CACNA1E: variants seen among roughly 807,000 people sequenced by gnomAD.
CACNA1E encodes the protein calcium voltage-gated channel subunit alpha1 E.
Under a neutral mutation model 259.2 loss-of-function variants are expected in CACNA1E, and 40 were observed. That is an observed-to-expected ratio of 0.15 (90% confidence interval 0.12 to 0.20). CACNA1E has a LOEUF of 0.20. Among genes scored for constraint, CACNA1E ranks in the 10% least tolerant of loss-of-function variants. The pLI is 1.00. For missense variants in CACNA1E, 1,874 were observed against 3,040.1 expected, an observed-to-expected ratio of 0.62 and a Z score of 9.02; for synonymous variants, 1,104 against 1,138.5, an observed-to-expected ratio of 0.97 and a Z score of 0.61.
chr1:181,593,172 G>A (rs1457266875), intron 6 of CACNA1E, among the ~76,000 whole-genome samples: 2 of 152,082 alleles, frequency 1.3e-5, no homozygotes, highest in Non-Finnish European at 2.9e-5. Context: ...CTCACTATAT[G>A]AGTGTACTAT....
chr1:181,328,805 A>G lies in CACNA1E; in HGVS notation c.-15+10682A>G, dbSNP rs541587939. On this transcript the variant is annotated intron_variant, in intron 1 of 11. Transcript: ENST00000524607. Reference sequence around the variant, plus strand: ...GCCTGCTGTGCAATCTGAGGATTGCAAGGCTTTTGGGAGGCCCTCACGCCA... The same window carrying G: ...GCCTGCTGTGCAATCTGAGGATTGCGAGGCTTTTGGGAGGCCCTCACGCCA... 6.6e-5 allele frequency among the ~76,000 whole-genome samples: 10 copies of G among 152,262 alleles called. No homozygotes were observed. The South Asian group carries it at 2.1e-3, about 32-fold the overall frequency.
At chr1:181,505,901 C>T (rs1191724574) in intron 1 of CACNA1E, among the ~76,000 whole-genome samples, 2 of 152,180 alleles carry the variant, frequency 1.3e-5, no homozygotes, top group African/African-American at 4.8e-5. Flanking sequence ...GTTACCGGGG[C>T]CCCACTGTGT....
chr1:181,772,027 A>C, intron 36 of CACNA1E, 39 bp from the exon 37 acceptor site: 1 of 1,593,006 alleles, frequency 6.3e-7, no homozygotes, highest in Non-Finnish European at 8.6e-7. Context: ...TAGGATCTGC[A>C]GAGCTGCTCC....
At chr1:181,671,680 G>A (rs892969102) in intron 7 of CACNA1E, among the ~76,000 whole-genome samples, 1 of 152,102 alleles carries the variant, frequency 6.6e-6, no homozygotes, top group Non-Finnish European at 1.5e-5. Context: ...TTTCTCTAGT[G>A]GCCAGTGTCA....
intron 3 of CACNA1E, among the ~76,000 whole-genome samples, chr1:181,577,027 A>G (rs1651045135): frequency 6.6e-6 from 1 of 152,222 alleles, no homozygotes; most frequent in South Asian, 2.1e-4. Flanking sequence ...TCATAAATAC[A>G]TATATGTCCT....
In CACNA1E at chr1:181,807,729, T is replaced by A. The variant is rs574588036; in HGVS notation, c.*8895T>A. ...TGACTTTATTAGCTAGGATTTTTCT[T>A]ATGATTAAAAACATCCAAAAATGTG... On this transcript the variant is annotated 3_prime_UTR_variant, in exon 48 of 48. Coordinates refer to ENST00000367573, the MANE Select transcript of CACNA1E (RefSeq NM_001205293.3). The A allele has an allele frequency of 1.3e-5, 2 of 152,108 alleles. No individual in the cohort carries two copies. Among genetic ancestry groups the A allele is most frequent in the Non-Finnish European group, 1.5e-5 (1 of 67,996 alleles). The allele number at this position is 152,108 out of a possible 1,614,324, so 9.4% of individuals were successfully genotyped here.
At chr1:181,347,495 C>T (rs1212650843) in intron 1 of CACNA1E, among the ~76,000 whole-genome samples, 1 of 152,198 alleles carries the variant, frequency 6.6e-6, no homozygotes, top group Admixed American at 6.5e-5. Flanking sequence ...ACTAGAGAAG[C>T]TCTTGCCCAA....
At chr1:181,605,990 G>A (rs1395671732) in intron 6 of CACNA1E, among the ~76,000 whole-genome samples, 1 of 151,998 alleles carries the variant, frequency 6.6e-6, no homozygotes, top group Non-Finnish European at 1.5e-5. Flanking sequence ...CATTCAACAC[G>A]GTTGCTTTCT....
intron 32 of CACNA1E, among the ~76,000 whole-genome samples, chr1:181,761,999 G>C (rs1351369944): frequency 3.3e-5 from 5 of 152,220 alleles, no homozygotes; most frequent in African/African-American, 1.2e-4. Flanking sequence ...GTTTGAAAAG[G>C]CTCAATGGAG....
intron 1 of CACNA1E, among the ~76,000 whole-genome samples, chr1:181,343,085 T>C (rs1202316649): frequency 6.6e-6 from 1 of 151,818 alleles, no homozygotes; most frequent in African/African-American, 2.4e-5. Context: ...TGGTTGGTGG[T>C]GGTGATGAGG....
chr1:181,546,057 C>T (rs1348504503), intron 3 of CACNA1E, among the ~76,000 whole-genome samples: 14 of 152,014 alleles, frequency 9.2e-5, no homozygotes, highest in African/African-American at 1.9e-4. Context: ...TTGACAGACA[C>T]GCCGTGGGGA....
At chr1:181,473,307 T>C (rs563161689) in intron 2 of CACNA1E, among the ~76,000 whole-genome samples, 2 of 152,318 alleles carry the variant, frequency 1.3e-5, no homozygotes, top group Admixed American at 6.5e-5. Context: ...TAGCCATTCA[T>C]TGAAAAACAA....
chr1:181,587,044 TTAGA>T (rs1339801870), intron 6 of CACNA1E, among the ~76,000 whole-genome samples: 1 of 152,080 alleles, frequency 6.6e-6, no homozygotes, highest in Non-Finnish European at 1.5e-5. Flanking sequence ...AGGGATTGGC[TTAGA>T]TAGGAGCTCT....
chr1:181,457,976 T>G (rs946685672), intron 2 of CACNA1E, among the ~76,000 whole-genome samples: 7 of 152,224 alleles, frequency 4.6e-5, no homozygotes, highest in Admixed American at 4.6e-4. Context: ...GATGTTGGCC[T>G]GCATGGATTC....
chr1:181,557,262 G>A (rs1342585565), intron 3 of CACNA1E, among the ~76,000 whole-genome samples: 1 of 152,226 alleles, frequency 6.6e-6, no homozygotes, highest in Non-Finnish European at 1.5e-5. Context: ...GGCATGGGGA[G>A]GAGCCAGTGA....
intron 29 of CACNA1E, 38 bp downstream of exon 29, chr1:181,756,131 A>T (rs777902740): frequency 6.3e-7 from 1 of 1,579,218 alleles, no homozygotes; most frequent in Non-Finnish European, 8.6e-7. Flanking sequence ...TGTGGCTGTG[A>T]TAGGACCCCT....
chr1:181,439,541 C>T (rs930888814), intron 2 of CACNA1E, among the ~76,000 whole-genome samples: 3 of 152,146 alleles, frequency 2.0e-5, no homozygotes, highest in African/African-American at 7.2e-5. Flanking sequence ...GGCTGCAACT[C>T]AGTCATCCTG....
At position 181,741,609 on chromosome 1, in the gene CACNA1E, G is replaced by A. The variant is rs533444854; in HGVS notation, c.3719+2356G>A. 2.0e-5 allele frequency among the ~76,000 whole-genome samples: 3 copies of A among 152,350 alleles called. No homozygotes were observed. The South Asian group carries it at 6.2e-4, about 32-fold the overall frequency. Reference sequence around the variant, plus strand: ...CTGGTAACCAGGCTGGTGTGTTGGTGCCAGTGTGGGAGGAGGTGTGTTTTA... The same window carrying A: ...CTGGTAACCAGGCTGGTGTGTTGGTACCAGTGTGGGAGGAGGTGTGTTTTA... On this transcript the variant is annotated intron_variant, in intron 25 of 47. Transcript: ENST00000367573.
chr1:181,397,190 G>T (rs561221821), intron 1 of CACNA1E, among the ~76,000 whole-genome samples: 6 of 152,306 alleles, frequency 3.9e-5, no homozygotes, highest in African/African-American at 1.4e-4. Flanking sequence ...AAGAGCATCA[G>T]TCCTCACTGA....
Sources: allele counts gnomAD v4.1 joint callset (sites outside exome capture counted in the v4.1 genomes callset), GRCh38; gene constraint gnomAD v4.1.1; transcripts MANE v1.5; gene names NCBI Gene and HGNC (gene_info 2026-07-23, HGNC 2026-07-21).